PTPRR: variants seen among roughly 807,000 people sequenced by gnomAD.
The protein encoded by PTPRR is protein tyrosine phosphatase receptor type R.
In PTPRR, 38 loss-of-function variants were observed where a neutral mutation model predicts 77.2. That is an observed-to-expected ratio of 0.49 (90% CI 0.38 to 0.65). The LOEUF is 0.65. Among genes scored for constraint, PTPRR ranks in the 30% least tolerant of loss-of-function variants. The pLI, the probability that PTPRR is intolerant of heterozygous loss-of-function variation, is 0.00. For missense variants in PTPRR, 744 were observed against 799.2 expected (o/e 0.93, Z 0.83); for synonymous variants, 299 against 283.1 (o/e 1.06, Z -0.57).
intron 3 of PTPRR, among the ~76,000 whole-genome samples, chr12:70,762,793 G>A (rs1385907427): frequency 1.3e-5 from 2 of 152,074 alleles, no homozygotes; most frequent in Non-Finnish European, 2.9e-5. Context: ...AATGAAGTAT[G>A]GTTTTGTCTG....
At chr12:70,889,574 A>C (rs760765594) in intron 2 of PTPRR, among the ~76,000 whole-genome samples, 5 of 152,168 alleles carry the variant, frequency 3.3e-5, no homozygotes, top group Non-Finnish European at 7.3e-5. Flanking sequence ...CTATATGTTG[A>C]TCTGGGTGAG....
At chr12:70,648,558 A>C (rs1282282060) in intron 13 of PTPRR, among the ~76,000 whole-genome samples, 2 of 152,196 alleles carry the variant, frequency 1.3e-5, no homozygotes, top group African/African-American at 4.8e-5. Context: ...TCTGGTTTTT[A>C]TACCAGAAAA....
chr12:70,736,364 G>T (rs1156923437), intron 6 of PTPRR, among the ~76,000 whole-genome samples: 1 of 152,108 alleles, frequency 6.6e-6, no homozygotes, highest in East Asian at 1.9e-4. Context: ...ATACCTACTT[G>T]CTAAATATAC....
At chr12:70,867,224 C>CAATCAGGAAA (rs1248838038) in intron 2 of PTPRR, among the ~76,000 whole-genome samples, 3 of 151,928 alleles carry the variant, frequency 2.0e-5, no homozygotes, top group African/African-American at 7.3e-5. Context: ...AAAGGGTATT[C>CAATCAGGAAA]AATCAGGAAA....
intron 2 of PTPRR, among the ~76,000 whole-genome samples, chr12:70,765,029 G>T (rs562873147): frequency 3.3e-5 from 5 of 152,276 alleles, no homozygotes; most frequent in South Asian, 4.1e-4. Context: ...TAGGGGTGGA[G>T]CCAAGATGGC....
intron 2 of PTPRR, among the ~76,000 whole-genome samples, chr12:70,860,239 A>G (rs1175101564): frequency 6.6e-6 from 1 of 152,160 alleles, no homozygotes; most frequent in African/African-American, 2.4e-5. Flanking sequence ...GCATAAGTAC[A>G]TACATCTTGT....
chr12:70,663,328 G>C (rs1886865059), intron 10 of PTPRR, among the ~76,000 whole-genome samples: 1 of 152,178 alleles, frequency 6.6e-6, no homozygotes, highest in African/African-American at 2.4e-5. Flanking sequence ...CTCGGAACCT[G>C]AGTCCAAATT....
In PTPRR at chr12:70,825,309, A is replaced by C. The variant is rs188740981; in HGVS notation, c.358-60531T>G. Among the ~76,000 whole-genome samples, 222 of 152,172 alleles carry C rather than the reference A, an allele frequency of 1.5e-3. 2 individuals carry two copies. Among genetic ancestry groups the C allele is most frequent in the African/African-American group, 5.2e-3 (214 of 41,534 alleles). On this transcript the variant is annotated intron_variant, in intron 2 of 13. Coordinates refer to ENST00000283228, the MANE Select transcript of PTPRR (RefSeq NM_002849.4). Reference sequence around the variant, plus strand: ...AATAAAAATAAAAAATAAAAAAATAAATAAATGTTAAGTTACTTGTCAAAA... The same window carrying C: ...AATAAAAATAAAAAATAAAAAAATACATAAATGTTAAGTTACTTGTCAAAA...
At chr12:70,783,017 T>A (rs143590278) in intron 2 of PTPRR, among the ~76,000 whole-genome samples, 1 of 152,096 alleles carries the variant, frequency 6.6e-6, no homozygotes, top group South Asian at 2.1e-4. Flanking sequence ...ATCCCTTTCA[T>A]AGTCTTTAAT....
intron 2 of PTPRR, among the ~76,000 whole-genome samples, chr12:70,797,421 A>AAT (rs1428092610): frequency 2.6e-5 from 4 of 152,148 alleles, no homozygotes; most frequent in Admixed American, 2.0e-4. Context: ...CAAGCTTATA[A>AAT]ATATATATAA....
At chr12:70,844,350 C>T (rs1457452369) in intron 2 of PTPRR, among the ~76,000 whole-genome samples, 1 of 152,034 alleles carries the variant, frequency 6.6e-6, no homozygotes, top group Non-Finnish European at 1.5e-5. Context: ...GTGTTTGAAG[C>T]TAAATAAAAT....
intron 2 of PTPRR, among the ~76,000 whole-genome samples, chr12:70,782,693 G>C (rs1019850899): frequency 6.6e-6 from 1 of 152,010 alleles, no homozygotes; most frequent in East Asian, 1.9e-4. Flanking sequence ...GTTGTGGGGT[G>C]GGGGGAGTGG....
At chr12:70,819,134 G>A (rs1362771098) in intron 2 of PTPRR, among the ~76,000 whole-genome samples, 5 of 151,980 alleles carry the variant, frequency 3.3e-5, no homozygotes, top group Non-Finnish European at 2.9e-5. Context: ...CAGACTAGTC[G>A]ACATGGTGAA....
intron 2 of PTPRR, among the ~76,000 whole-genome samples, chr12:70,788,037 C>T (rs1489169924): frequency 1.3e-5 from 2 of 152,180 alleles, no homozygotes; most frequent in Non-Finnish European, 2.9e-5. Flanking sequence ...AAACTAAATA[C>T]ATACTTTTTG....
intron 5 of PTPRR, among the ~76,000 whole-genome samples, chr12:70,750,580 G>A (rs986796918): frequency 2.0e-5 from 3 of 152,140 alleles, no homozygotes; most frequent in Non-Finnish European, 4.4e-5. Context: ...GCTTTGACAT[G>A]TCCCTAAACA....
At position 70,766,020 on chromosome 12, in the gene PTPRR, C is replaced by T. The variant is rs185366440; in HGVS notation, c.358-1242G>A. Among the ~76,000 whole-genome samples, 6 of 152,150 alleles carry T rather than the reference C, an allele frequency of 3.9e-5. 1 individual carries two copies. Among genetic ancestry groups the T allele is most frequent in the African/African-American group, 1.4e-4 (6 of 41,426 alleles). Reference sequence around the variant, plus strand: ...ACACCAAAAACCCATGTGCACATCACCATCATCAAAGACCAAAAGTAGATA... The same window carrying T: ...ACACCAAAAACCCATGTGCACATCATCATCATCAAAGACCAAAAGTAGATA... On this transcript the variant is annotated intron_variant, in intron 2 of 13. Coordinates refer to ENST00000283228, the MANE Select transcript of PTPRR (RefSeq NM_002849.4).
intron 13 of PTPRR, among the ~76,000 whole-genome samples, chr12:70,643,467 G>C (rs186890134): frequency 6.6e-6 from 1 of 152,186 alleles, no homozygotes; most frequent in Non-Finnish European, 1.5e-5. Flanking sequence ...GAGCCACCAT[G>C]CCTGGCAAAT....
intron 2 of PTPRR, among the ~76,000 whole-genome samples, chr12:70,864,875 G>A (rs576360186): frequency 1.8e-4 from 28 of 152,240 alleles, no homozygotes; most frequent in African/African-American, 6.0e-4. Context: ...ACAGTGGTGG[G>A]ATCTCCACTC....
At chr12:70,884,378 C>T (rs1184405018) in intron 2 of PTPRR, among the ~76,000 whole-genome samples, 1 of 151,626 alleles carries the variant, frequency 6.6e-6, no homozygotes, top group Non-Finnish European at 1.5e-5. Context: ...GATAAATAGA[C>T]AAAGAAGGAA....
Sources: allele counts gnomAD v4.1 joint callset (sites outside exome capture counted in the v4.1 genomes callset), GRCh38; gene constraint gnomAD v4.1.1; transcripts MANE v1.5; gene names NCBI Gene and HGNC (gene_info 2026-07-23, HGNC 2026-07-21).